The following SERPING1 variants were observed in gnomAD, a reference collection of about 807,000 sequenced individuals.
The protein encoded by SERPING1 is serpin family G member 1, also known as plasma protease C1 inhibitor.
A neutral mutation model predicts 34.1 loss-of-function variants in SERPING1; 5 were observed. The ratio of observed to expected loss-of-function variants is 0.15; its 90% CI spans 0.08 to 0.31. SERPING1 has a LOEUF of 0.31. Among genes scored for constraint, SERPING1 ranks in the 10% least tolerant of loss-of-function variants. The pLI, the probability that SERPING1 is intolerant of heterozygous loss-of-function variation, is 1.00. For synonymous variants in SERPING1, 225 were observed against 242.4 expected (o/e 0.93, Z 0.67); for missense variants, 505 against 609.5 (o/e 0.83, Z 1.81).
intron 2 of SERPING1, 127 bp downstream of exon 2, chr11:57,598,448 A>G: frequency 1.1e-6 from 1 of 892,472 alleles, no homozygotes; most frequent in Non-Finnish European, 1.7e-6. Context: ...TCTTGGGATC[A>G]TTGAGTGTGA....
chr11:57,612,801 G>A (rs753841806), intron 7 of SERPING1, among the ~76,000 whole-genome samples: 33 of 152,018 alleles, frequency 2.2e-4, no homozygotes, highest in Non-Finnish European at 4.1e-4. Flanking sequence ...CTGGAGCGCA[G>A]TGGCATGATC....
rs540997974 is a variant in SERPING1, at chr11:57,599,439, C to A, written c.52-440C>A. 2.2e-4 allele frequency among the ~76,000 whole-genome samples: 33 copies of A among 152,240 alleles called. No individual in the cohort carries two copies. In the South Asian group the frequency reaches 6.8e-3, roughly 32 times the overall value. ...TTTTTCCACACCCACTAATGGGTTG[C>A]AACCCACAGTTTAAAAATTTACTGT... On this transcript the variant is annotated intron_variant, in intron 2 of 7. Transcript: ENST00000278407.
rs1022020926 is a variant in SERPING1, at chr11:57,614,814, A to T, written c.*233A>T. On this transcript the variant is annotated 3_prime_UTR_variant, in exon 8 of 8. Transcript: ENST00000278407. Reference sequence around the variant, plus strand: ...TTGCAGCTTTCTCTAGTTCAAGTTCACCAGACTCTATAAATAAAACCTGAC... The same window carrying T: ...TTGCAGCTTTCTCTAGTTCAAGTTCTCCAGACTCTATAAATAAAACCTGAC... 5.5e-6 allele frequency: 3 copies of T among 543,526 alleles called. No homozygotes were observed. In the African/African-American group the frequency reaches 5.7e-5, roughly 10 times the overall value. The allele number at this position is 543,526 out of a possible 1,614,324, so 33.7% of individuals were successfully genotyped here.
Position 57,614,605 on chromosome 11 carries a change from G to A in SERPING1, c.*24G>A, listed in dbSNP as rs374568487. The stretch of plus-strand genomic sequence containing the variant: ...GAGACCTGCAGGATCAGGTTAGGGC[G>A]AGCGCTACCTCTCCAGCCTCAGCTC... On this transcript the variant is annotated 3_prime_UTR_variant, in exon 8 of 8. Coordinates refer to ENST00000278407, the MANE Select transcript of SERPING1 (RefSeq NM_000062.3). 1.6e-5 allele frequency: 26 copies of A among 1,609,542 alleles called. No individual in the cohort carries two copies. The highest frequency in any genetic ancestry group is 1.2e-4 in the Admixed American group (7 of 59,858).
chr11:57,602,240 T>G, intron 4 of SERPING1, 71 bp downstream of exon 4: 1 of 1,569,358 alleles, frequency 6.4e-7, no homozygotes, highest in Admixed American at 1.7e-5. Flanking sequence ...GACCCAGCGC[T>G]GGGGAAAGAA....
At chr11:57,604,343 T>C (rs1945384658) in intron 4 of SERPING1, among the ~76,000 whole-genome samples, 3 of 152,282 alleles carry the variant, frequency 2.0e-5, no homozygotes, top group Admixed American at 6.5e-5. Context: ...ATAATGATAA[T>C]ACTAATAATA....
chr11:57,602,192 T>C (rs1203667162), intron 4 of SERPING1, 23 bp downstream of exon 4: 2 of 1,613,998 alleles, frequency 1.2e-6, no homozygotes, highest in Non-Finnish European at 1.7e-6. Context: ...GAATGGGCAG[T>C]GTCTGCAGAG....
intron 4 of SERPING1, among the ~76,000 whole-genome samples, chr11:57,603,421 C>T (rs1288119061): frequency 1.3e-5 from 2 of 151,812 alleles, no homozygotes; most frequent in African/African-American, 4.8e-5. Context: ...GTGGTGTGCA[C>T]CTGTAATCCC....
intron 4 of SERPING1, 106 bp from the exon 5 acceptor site, chr11:57,605,904 T>G: frequency 9.3e-7 from 1 of 1,076,002 alleles, no homozygotes; most frequent in Non-Finnish European, 1.4e-6. Flanking sequence ...CCGTATTCAC[T>G]AAGTGAGCAG....
intron 6 of SERPING1, 60 bp downstream of exon 6, chr11:57,606,607 T>G (rs773223700): frequency 4.5e-6 from 7 of 1,557,124 alleles, no homozygotes; most frequent in Non-Finnish European, 4.4e-6. Flanking sequence ...TGACTTTTTT[T>G]CTGCTGTAGT....
In SERPING1 at chr11:57,599,875, A is replaced by G. The variant is rs767186660; in HGVS notation, c.52-4A>G. 3 of 1,614,184 alleles carry G rather than the reference A, an allele frequency of 1.9e-6. No individual in the cohort carries two copies. The highest frequency in any genetic ancestry group is 2.5e-6 in the Non-Finnish European group (3 of 1,180,026). On this transcript the variant is annotated splice_polypyrimidine_tract_variant and splice_region_variant and intron_variant, in intron 2 of 7. Coordinates refer to ENST00000278407, the MANE Select transcript of SERPING1 (RefSeq NM_000062.3). ...AAAATGAAACTCAGTTTCTTGAACC[A>G]CAGGATAGAGCCTCCTCAAATCCAA...
At chr11:57,607,852 G>T (rs998064874) in intron 6 of SERPING1, among the ~76,000 whole-genome samples, 1 of 152,162 alleles carries the variant, frequency 6.6e-6, no homozygotes, top group African/African-American at 2.4e-5. Flanking sequence ...TAGAGACGGG[G>T]TTTCACCATG....
chr11:57,606,902 A>C, intron 6 of SERPING1: 1 of 533,324 alleles, frequency 1.9e-6, no homozygotes, highest in African/African-American at 1.9e-5. Flanking sequence ...GTACCTGTGT[A>C]CAGCATACAT....
At chr11:57,609,513 A>C (rs569881317) in intron 6 of SERPING1, among the ~76,000 whole-genome samples, 7 of 152,006 alleles carry the variant, frequency 4.6e-5, no homozygotes, top group Non-Finnish European at 1.0e-4. Flanking sequence ...CCGGGAGGCG[A>C]AGGTTGCAGT....
chr11:57,612,798 G>A (rs924690224), intron 7 of SERPING1, among the ~76,000 whole-genome samples: 14 of 152,026 alleles, frequency 9.2e-5, no homozygotes, highest in African/African-American at 2.2e-4. Context: ...AGGCTGGAGC[G>A]CAGTGGCATG....
At chr11:57,610,607 A>G (rs1476909435) in intron 6 of SERPING1, among the ~76,000 whole-genome samples, 2 of 152,196 alleles carry the variant, frequency 1.3e-5, no homozygotes, top group Admixed American at 6.5e-5. Flanking sequence ...CTTCAGCCTC[A>G]ATCATAATAC....
At chr11:57,600,493 A>G (rs963362029) in intron 3 of SERPING1, 116 bp downstream of exon 3, 16 of 1,153,784 alleles carry the variant, frequency 1.4e-5, no homozygotes, top group Non-Finnish European at 2.1e-5. Context: ...ATGGGCTATT[A>G]TATATTGGGG....
At position 57,611,783 on chromosome 11, in the gene SERPING1, C is replaced by T. The variant is rs762832059; in HGVS notation, c.1096C>T (p.Arg366Cys). ...CCTGGTACCCCAGAACCTGAAACAT[C>T]GTCTTGAAGACATGGAACAGGCTCT... The part of the protein sequence containing the change: ...VILVPQNLKH[R>C]LEDMEQALSP... The change falls in exon 7 of 8, where the codon CGT becomes TGT. Residue 366 changes from arginine to cysteine, a missense_variant. Arg to Cys is a radical substitution (Grantham distance 180). Coordinates refer to ENST00000278407, the MANE Select transcript of SERPING1 (RefSeq NM_000062.3). 1.7e-5 allele frequency: 27 copies of T among 1,614,060 alleles called. 1 individual carries two copies. Among genetic ancestry groups the T allele is most frequent in the African/African-American group, 9.3e-5 (7 of 74,924 alleles).
chr11:57,603,425 T>C (rs551006857), intron 4 of SERPING1, among the ~76,000 whole-genome samples: 4 of 151,712 alleles, frequency 2.6e-5, no homozygotes, highest in Admixed American at 2.0e-4. Context: ...TGTGCACCTG[T>C]AATCCCAGCT....
Sources: allele counts gnomAD v4.1 joint callset (sites outside exome capture counted in the v4.1 genomes callset), GRCh38; gene constraint gnomAD v4.1.1; transcripts MANE v1.5; gene names NCBI Gene and HGNC (gene_info 2026-07-23, HGNC 2026-07-21).